PML: variants seen among roughly 807,000 people sequenced by gnomAD.
PML encodes the protein PML nuclear body scaffold.
Under a neutral mutation model 65.2 loss-of-function variants are expected in PML, and 28 were observed. The ratio of observed to expected loss-of-function variants is 0.43; its 90% CI spans 0.32 to 0.59. The LOEUF (loss-of-function observed/expected upper bound fraction) is 0.59, where lower values mean the gene tolerates loss of function less well. Ranked by LOEUF, PML falls within the 20% of genes least tolerant of loss-of-function variation. The pLI, the probability that PML is intolerant of heterozygous loss-of-function variation, is 0.08. For missense variants in PML, 1,021 were observed against 1,203.4 expected (o/e 0.85, Z 2.24); for synonymous variants, 500 against 508.8 (o/e 0.98, Z 0.23).
chr15:74,034,189 T>C, intron 6 of PML: 1 of 498,738 alleles, frequency 2.0e-6, no homozygotes, highest in Non-Finnish European at 3.7e-6. Flanking sequence ...AGGTAGCAGT[T>C]GTCAGGCCTC....
At position 74,042,874 on chromosome 15, in the gene PML, ACACC is replaced by A; in HGVS notation, c.1711-113_1711-110del. 6.3e-7 allele frequency: 1 copy of A among 1,588,022 alleles called. No individual in the cohort carries two copies. The highest frequency in any genetic ancestry group is 8.5e-7 in the Non-Finnish European group (1 of 1,171,236). On this transcript the variant is annotated intron_variant, in intron 7 of 8. Transcript: ENST00000268058. This position sits in a 1 kb window ranked among gnomAD's most constrained non-coding sequence, Gnocchi z 5.3. ...TGCACACGTCCCCTTTCCCAGTGGT[ACACC>A]CTCCTTCATGTGCACGCAGATGCTC...
Position 74,023,345 on chromosome 15 carries a change from G to C in PML, c.1120G>C (p.Asp374His). Reference sequence around the variant, plus strand: ...GAGCCTGCAAGCTGCCGTGCGCACCGATGGCTTCGACGAGTTCAAGGTGCG... The same window carrying C: ...GAGCCTGCAAGCTGCCGTGCGCACCCATGGCTTCGACGAGTTCAAGGTGCG... Reference protein sequence around the residue: ...PQSLQAAVRTDGFDEFKVRLQ... With the variant: ...PQSLQAAVRTHGFDEFKVRLQ... The change falls in exon 3 of 9, where the codon GAT becomes CAT. Residue 374 changes from aspartate to histidine, a missense_variant. By Grantham distance (81) the Asp-to-His change is moderately conservative. Transcript: ENST00000268058. The C allele has an allele frequency of 2.5e-6, 4 of 1,603,646 alleles. No individual in the cohort carries two copies. Among genetic ancestry groups the C allele is most frequent in the Non-Finnish European group, 3.4e-6 (4 of 1,179,926 alleles).
intron 1 of PML, 148 bp from the exon 2 acceptor site, chr15:73,997,856 G>A (rs772809485): frequency 6.1e-5 from 43 of 703,564 alleles, no homozygotes; most frequent in Non-Finnish European, 9.7e-5. Context: ...GTATTGGGGT[G>A]CTGATAAGCC....
In PML at chr15:74,045,301, C is replaced by A. The variant is rs2071760450; in HGVS notation, c.*293C>A. The A allele has an allele frequency of 2.3e-6, 1 of 442,962 alleles. No homozygotes were observed. The highest frequency in any genetic ancestry group is 4.1e-6 in the Non-Finnish European group (1 of 245,976). 27.4% of individuals were successfully genotyped at this position (442,962 alleles called of 1,614,324 possible). On this transcript the variant is annotated 3_prime_UTR_variant, in exon 9 of 9. Transcript: ENST00000268058. Reference sequence around the variant, plus strand: ...GAGTGAGGAAGGCATGACCTCTGGGCTCTCTAGGTGGCCCTGGTCTTGCCC... The same window carrying A: ...GAGTGAGGAAGGCATGACCTCTGGGATCTCTAGGTGGCCCTGGTCTTGCCC...
At chr15:74,004,646 C>T (rs1402275116) in intron 2 of PML, among the ~76,000 whole-genome samples, 5 of 151,982 alleles carry the variant, frequency 3.3e-5, no homozygotes, top group African/African-American at 9.7e-5. Flanking sequence ...AATCTTCTAT[C>T]GCCATTGTTG....
Position 74,035,935 on chromosome 15 carries a change from G to A in PML, c.1710+1405G>A, listed in dbSNP as rs76608781. 1,049 of 1,613,962 alleles carry A rather than the reference G, an allele frequency of 6.5e-4. 8 individuals carry two copies. The African/African-American group carries it at 0.012, about 19-fold the overall frequency. ...CCCATCAGCCCAGTCCCAGGCGCCC[G>A]TCAAGCAGGCCTCTGAGAGTGCTAC... On this transcript the variant is annotated intron_variant, in intron 7 of 8. Transcript: ENST00000268058. The surrounding 1 kb of genome is among the most constrained non-coding windows in gnomAD (Gnocchi z 4.1).
intron 1 of PML, among the ~76,000 whole-genome samples, chr15:73,996,290 A>C (rs1229829393): frequency 2.0e-5 from 3 of 152,178 alleles, no homozygotes; most frequent in African/African-American, 7.2e-5. Flanking sequence ...CTATGAATTA[A>C]ATAGCCTATG....
Position 74,023,027 on chromosome 15 carries a change from C to A in PML, c.802C>A (p.Leu268Met). ...GCAGATGCACGCGGCCGTCGGCCAG[C>A]TGGGCCGCGCGCGTGCCGAGACCGA... ...HAQMHAAVGQ[L>M]GRARAETEEL... is the part of the protein sequence containing the mutation. The change falls in exon 3 of 9, where the codon CTG becomes ATG. Residue 268 changes from leucine to methionine, a missense_variant. Physicochemically the swap from Leu to Met is conservative, Grantham distance 15. Coordinates refer to ENST00000268058, the MANE Select transcript of PML (RefSeq NM_033238.3). 6.2e-7 allele frequency: 1 copy of A among 1,605,904 alleles called. No homozygotes were observed.
chr15:74,016,873 T>C (rs1465132869), intron 2 of PML, among the ~76,000 whole-genome samples: 1 of 147,382 alleles, frequency 6.8e-6, no homozygotes, highest in East Asian at 2.0e-4. Context: ...CTTGGCTCAC[T>C]GCAAGCTCCG....
chr15:74,034,715 G>A, intron 7 of PML, 185 bp downstream of exon 7: 1 of 1,518,050 alleles, frequency 6.6e-7, no homozygotes, highest in African/African-American at 1.4e-5. Context: ...GACCACCCCA[G>A]CCCTCCCACT....
chr15:74,029,300 A>G (rs2071215309), intron 4 of PML, among the ~76,000 whole-genome samples: 1 of 152,196 alleles, frequency 6.6e-6, no homozygotes, highest in Non-Finnish European at 1.5e-5. Flanking sequence ...TAGTATATAC[A>G]TATGCACACA....
intron 2 of PML, 23 bp downstream of exon 2, chr15:73,998,499 G>T (rs1186458004): frequency 6.3e-7 from 1 of 1,595,528 alleles, no homozygotes; most frequent in Admixed American, 1.7e-5. Flanking sequence ...GCACAGGGTG[G>T]GGTGGTGCAT....
intron 2 of PML, among the ~76,000 whole-genome samples, chr15:74,010,010 G>A (rs900301312): frequency 6.7e-6 from 1 of 149,462 alleles, no homozygotes; most frequent in Admixed American, 6.7e-5. Flanking sequence ...AGAACAATTT[G>A]GGTTTTTTAG....
At chr15:74,036,109 C>T in intron 7 of PML, 2 of 1,613,030 alleles carry the variant, frequency 1.2e-6, no homozygotes, top group Non-Finnish European at 1.7e-6. Flanking sequence ...GCATGGACCT[C>T]TGGGCAGGGA....
Position 74,045,293 on chromosome 15 carries a change from C to A in PML, c.*285C>A, listed in dbSNP as rs1667571076. On this transcript the variant is annotated 3_prime_UTR_variant, in exon 9 of 9. Transcript: ENST00000268058. The stretch of plus-strand genomic sequence containing the variant: ...GAGGTCCTGAGTGAGGAAGGCATGA[C>A]CTCTGGGCTCTCTAGGTGGCCCTGG... The A allele has an allele frequency of 2.2e-6, 1 of 456,704 alleles. No individual in the cohort carries two copies. Among genetic ancestry groups the A allele is most frequent in the African/African-American group, 1.9e-5 (1 of 51,726 alleles). 28.3% of individuals were successfully genotyped at this position (456,704 alleles called of 1,614,324 possible).
chr15:74,033,518 G>A, intron 6 of PML, 104 bp downstream of exon 6: 2 of 1,249,858 alleles, frequency 1.6e-6, no homozygotes, highest in Middle Eastern at 1.8e-4. Context: ...AAGCCAACAG[G>A]AGTCCCTTAT....
intron 1 of PML, among the ~76,000 whole-genome samples, chr15:73,997,093 G>A (rs996796644): frequency 2.6e-5 from 4 of 152,240 alleles, no homozygotes; most frequent in Admixed American, 2.0e-4. Context: ...ACCCCCTAGA[G>A]GTTTCCCATT....
At chr15:73,995,852 TC>T (rs1357806675) in intron 1 of PML, among the ~76,000 whole-genome samples, 1 of 152,204 alleles carries the variant, frequency 6.6e-6, no homozygotes, top group Admixed American at 6.5e-5. Flanking sequence ...CCTTCCGGGT[TC>T]ACGCCATTCT....
At chr15:74,024,812 C>T (rs1320162018) in intron 3 of PML, 45 bp from the exon 4 acceptor site, 1 of 1,405,806 alleles carries the variant, frequency 7.1e-7, no homozygotes, top group Non-Finnish European at 1.0e-6. Context: ...ATGTCCCTTA[C>T]CAGCATGTCC....
Sources: allele counts gnomAD v4.1 joint callset (sites outside exome capture counted in the v4.1 genomes callset), GRCh38; gene constraint gnomAD v4.1.1; non-coding constraint Gnocchi (gnomAD v3.1); transcripts MANE v1.5; gene names NCBI Gene and HGNC (gene_info 2026-07-23, HGNC 2026-07-21).